Variants in BDP1 observed in about 807,000 individuals in gnomAD.
The protein encoded by BDP1 is transcription factor TFIIIB component B'' homolog.
Under a neutral mutation model 266.6 loss-of-function variants are expected in BDP1, and 169 were observed. That is an observed-to-expected ratio of 0.63 (90% CI 0.56 to 0.72). BDP1 has a LOEUF of 0.72. BDP1 is among the 30% of genes least tolerant of loss of function. BDP1 has a pLI of 0.00. For synonymous variants in BDP1, 1,090 were observed against 1,022.4 expected (o/e 1.07, Z -1.26); for missense variants, 3,015 against 3,053.8 (o/e 0.99, Z 0.30).
At chr5:71,553,059 A>G in intron 34 of BDP1, 57 bp from the exon 35 acceptor site, 1 of 1,379,068 alleles carries the variant, frequency 7.3e-7, no homozygotes. Context: ...CTTTAAAAAA[A>G]AAAGTGTTAA....
intron 11 of BDP1, among the ~76,000 whole-genome samples, chr5:71,492,200 A>G (rs1371671415): frequency 6.6e-6 from 1 of 152,212 alleles, no homozygotes; most frequent in African/African-American, 2.4e-5. Context: ...ATCACTGAAC[A>G]TGGGAGTGCA....
At chr5:71,521,740 G>T (rs1765506803) in intron 22 of BDP1, among the ~76,000 whole-genome samples, 2 of 152,208 alleles carry the variant, frequency 1.3e-5, no homozygotes, top group Admixed American at 1.3e-4. Flanking sequence ...GGCAGATACA[G>T]ACGGATTATA....
chr5:71,514,008 T>C (rs916826425), intron 19 of BDP1, among the ~76,000 whole-genome samples: 10 of 152,080 alleles, frequency 6.6e-5, no homozygotes, highest in African/African-American at 2.4e-4. Context: ...CGCTGAGCCG[T>C]GGCGCCCAGC....
intron 7 of BDP1, among the ~76,000 whole-genome samples, chr5:71,479,776 G>A (rs929487420): frequency 6.6e-6 from 1 of 152,156 alleles, no homozygotes; most frequent in East Asian, 1.9e-4. Context: ...TCGATCTCCT[G>A]ACCTCGTGAT....
At chr5:71,481,391 G>GAAAAAAAAAAA (rs58798987) in intron 7 of BDP1, among the ~76,000 whole-genome samples, 35 of 63,828 alleles carry the variant, frequency 5.5e-4, no homozygotes, top group African/African-American at 7.5e-4. Flanking sequence ...TCTCTACAAA[G>GAAAAAAAAAAA]AAAAAAAAAA....
chr5:71,561,648 G>A (rs1046925045), intron 37 of BDP1, among the ~76,000 whole-genome samples: 1 of 152,154 alleles, frequency 6.6e-6, no homozygotes, highest in African/African-American at 2.4e-5. Flanking sequence ...ACAGAATTGG[G>A]TGCGGGGCTG....
rs958899987 is a variant in BDP1 at position 71,510,650 on chromosome 5, A to G, written c.3558A>G (p.Thr1186=). Residue 1186 remains threonine (T), a synonymous_variant, in exon 17 of 39, where the codon ACA becomes ACG. Transcript: ENST00000358731. ...TGREGSSREK[T]REVIDAAEVI... is the part of the protein sequence containing the mutation. ...GAGAGGGTTCCTCAAGGGAGAAGAC[A>G]CGAGAGGTGATTGATGCTGCTGAGG... 1 of 1,586,304 alleles carries G rather than the reference A, an allele frequency of 6.3e-7. No homozygotes were observed. Among genetic ancestry groups the G allele is most frequent in the African/African-American group, 1.4e-5 (1 of 73,794 alleles).
chr5:71,522,819 G>C lies in BDP1; in HGVS notation c.5257G>C (p.Glu1753Gln). ...SARKDCVGSK[E>Q]SALAKIDAEL... is the part of the protein sequence containing the mutation. Reference sequence around the variant, plus strand: ...AAGAAAAGATTGTGTAGGTTCCAAAGAGTCTGCTTTGGCAAAAATAGATGC... The same window carrying C: ...AAGAAAAGATTGTGTAGGTTCCAAACAGTCTGCTTTGGCAAAAATAGATGC... The change falls in exon 24 of 39, where the codon GAG becomes CAG. Residue 1753 changes from glutamate (E) to glutamine (Q), a missense_variant. By Grantham distance (29) the Glu-to-Gln change is conservative. Around this residue, in one of 3 missense-constraint regions of BDP1, gnomAD observed 2,383 missense variants for 2,404.9 expected, o/e 0.99. Coordinates refer to ENST00000358731, the MANE Select transcript of BDP1 (RefSeq NM_018429.3). 6.2e-7 allele frequency: 1 copy of C among 1,613,752 alleles called. No individual in the cohort carries two copies. Among genetic ancestry groups the C allele is most frequent in the South Asian group, 1.1e-5 (1 of 90,922 alleles).
chr5:71,495,639 A>AC (rs1763844208), intron 12 of BDP1, among the ~76,000 whole-genome samples: 3 of 152,194 alleles, frequency 2.0e-5, no homozygotes, highest in Non-Finnish European at 4.4e-5. Context: ...TTATATAATA[A>AC]TGATATGAAT....
chr5:71,462,876 T>C (rs1761665408), intron 3 of BDP1, among the ~76,000 whole-genome samples: 1 of 152,148 alleles, frequency 6.6e-6, no homozygotes, highest in Admixed American at 6.6e-5. Context: ...CTCATCCCTG[T>C]AATCACAGCA....
At chr5:71,535,894 C>A (rs1766569298) in intron 26 of BDP1, among the ~76,000 whole-genome samples, 1 of 151,972 alleles carries the variant, frequency 6.6e-6, no homozygotes. Flanking sequence ...TCCAATATGA[C>A]CTCATCTAAA....
At chr5:71,571,392 C>T (rs1744258734), downstream of BDP1, among the ~76,000 whole-genome samples, 1 of 152,214 alleles carries the variant, frequency 6.6e-6, no homozygotes, top group Admixed American at 6.5e-5. Context: ...GAACCAACCA[C>T]CCGCCTCGGC....
At chr5:71,521,325 T>C in intron 22 of BDP1, among the ~76,000 whole-genome samples, 1 of 147,562 alleles carries the variant, frequency 6.8e-6, no homozygotes, top group Non-Finnish European at 1.5e-5. Flanking sequence ...AGAGTTTTGC[T>C]CTTGTTGCCC....
At chr5:71,550,528 C>G (rs1482066764) in intron 34 of BDP1, among the ~76,000 whole-genome samples, 1 of 152,020 alleles carries the variant, frequency 6.6e-6, no homozygotes, top group African/African-American at 2.4e-5. Context: ...TCTTGAACTC[C>G]TGGCCTCATG....
chr5:71,461,824 G>A lies in BDP1; in HGVS notation c.497G>A (p.Trp166Ter), dbSNP rs1445298761. ...GTGTGTTTATGTATACAGAAACAAT[G>A]GAAAAACAAATATGCTATAAATGAA... ...KEELRKEKKQ[W>*]KNKYAINESQ... The change falls in exon 3 of 39, where the codon TGG (tryptophan) becomes TAG (stop). Residue 166 changes from tryptophan to a stop codon, truncating the protein, a stop_gained. Transcript: ENST00000358731. LOFTEE classifies it high-confidence loss of function. 6.3e-7 allele frequency: 1 copy of A among 1,588,202 alleles called. No individual in the cohort carries two copies.
intron 35 of BDP1, among the ~76,000 whole-genome samples, chr5:71,555,409 C>T (rs1347694995): frequency 3.3e-5 from 5 of 151,270 alleles, no homozygotes; most frequent in Non-Finnish European, 2.9e-5. Context: ...CCAGTATCAT[C>T]ATACTGTTTG....
At chr5:71,562,792 G>A in intron 38 of BDP1, 2 of 1,348,610 alleles carry the variant, frequency 1.5e-6, no homozygotes, top group Non-Finnish European at 1.9e-6. Flanking sequence ...TCTGACTTGT[G>A]GAAGCAAAAG....
chr5:71,562,070 C>A (rs370836157), intron 37 of BDP1, among the ~76,000 whole-genome samples: 2 of 151,966 alleles, frequency 1.3e-5, no homozygotes, highest in East Asian at 3.9e-4. Context: ...TGGTGAAACC[C>A]CGTCTCTACT....
chr5:71,475,448 T>A (rs1295329514), intron 7 of BDP1, among the ~76,000 whole-genome samples: 1 of 152,200 alleles, frequency 6.6e-6, no homozygotes, highest in East Asian at 1.9e-4. Context: ...AGCTTTTGTT[T>A]ATGTACTTTT....
Sources: allele counts gnomAD v4.1 joint callset (sites outside exome capture counted in the v4.1 genomes callset), GRCh38; gene constraint gnomAD v4.1.1; regional missense constraint gnomAD v4.1.1; transcripts MANE v1.5; gene names NCBI Gene and HGNC (gene_info 2026-07-23, HGNC 2026-07-21).